CTNNA3: variants seen among roughly 807,000 people sequenced by gnomAD.
CTNNA3 encodes catenin alpha-3.
CTNNA3 carries 76 observed loss-of-function variants against 95.7 expected under a neutral mutation model. The observed-to-expected ratio is 0.79, with a 90% CI of 0.66 to 0.96. CTNNA3 has a LOEUF of 0.96. Among genes scored for constraint, CTNNA3 ranks in the 40% least tolerant of loss-of-function variants. The pLI is 0.00. For missense variants in CTNNA3, 1,191 were observed against 1,089.8 expected (o/e 1.09, Z -1.31); for synonymous variants, 431 against 374.4 (o/e 1.15, Z -1.74).
At chr10:67,402,212 G>A (rs114211883) in intron 5 of CTNNA3, among the ~76,000 whole-genome samples, 1,905 of 152,292 alleles carry the variant, frequency 0.013, 40 homozygotes, top group African/African-American at 0.042. Flanking sequence ...AATGATTCAA[G>A]GGCTGAAAGG....
chr10:67,454,194 T>C (rs1271425927), intron 5 of CTNNA3, among the ~76,000 whole-genome samples: 2 of 152,184 alleles, frequency 1.3e-5, no homozygotes, highest in Admixed American at 6.6e-5. Context: ...TAAGGTACAT[T>C]ACTAATACAA....
intron 15 of CTNNA3, among the ~76,000 whole-genome samples, chr10:66,059,009 C>T (rs565925099): frequency 1.5e-4 from 23 of 152,242 alleles, no homozygotes; most frequent in Non-Finnish European, 2.4e-4. Context: ...CCTGAATAAC[C>T]TTGTGATTGA....
chr10:66,768,126 A>T (rs1220132889), intron 8 of CTNNA3, among the ~76,000 whole-genome samples: 1 of 152,242 alleles, frequency 6.6e-6, no homozygotes, highest in Non-Finnish European at 1.5e-5. Context: ...GATACTGAAG[A>T]GAAAAGTAGA....
intron 16 of CTNNA3, among the ~76,000 whole-genome samples, chr10:65,987,216 G>T (rs893635412): frequency 6.6e-6 from 1 of 151,860 alleles, no homozygotes; most frequent in Non-Finnish European, 1.5e-5. Flanking sequence ...AACTAAAAAG[G>T]TTTTGCACAG....
chr10:66,208,561 C>A (rs942995803), intron 13 of CTNNA3, among the ~76,000 whole-genome samples: 2 of 151,846 alleles, frequency 1.3e-5, no homozygotes, highest in Non-Finnish European at 2.9e-5. Context: ...AAAAATAAAC[C>A]TTTCCAAAAT....
chr10:67,062,186 C>A (rs530950662), intron 7 of CTNNA3, among the ~76,000 whole-genome samples: 2 of 115,798 alleles, frequency 1.7e-5, no homozygotes, highest in South Asian at 5.1e-4. Context: ...TAGATAAGAA[C>A]GTTAAAACCC....
intron 5 of CTNNA3, among the ~76,000 whole-genome samples, chr10:67,289,741 A>T (rs552832785): frequency 3.3e-5 from 5 of 151,482 alleles, no homozygotes; most frequent in Non-Finnish European, 7.4e-5. Context: ...CATGGATCCA[A>T]CAAAGGAAGG....
At chr10:67,752,461 G>A (rs1285001371) in intron 1 of CTNNA3, among the ~76,000 whole-genome samples, 1 of 152,098 alleles carries the variant, frequency 6.6e-6, no homozygotes, top group Non-Finnish European at 1.5e-5. Flanking sequence ...ATTCAACATA[G>A]TATGGAAGTT....
intron 9 of CTNNA3, among the ~76,000 whole-genome samples, chr10:66,651,328 G>A (rs560909493): frequency 1.3e-5 from 2 of 152,280 alleles, no homozygotes; most frequent in African/African-American, 4.8e-5. Flanking sequence ...CTGATTGGGT[G>A]CATATACAAT....
At chr10:67,611,337 G>A (rs377744024) in intron 2 of CTNNA3, among the ~76,000 whole-genome samples, 389 of 150,218 alleles carry the variant, frequency 2.6e-3, no homozygotes, top group Non-Finnish European at 3.9e-3. Context: ...TTTTTGAGAC[G>A]GAGTCTCACT....
chr10:67,222,670 G>A (rs1267370231), intron 5 of CTNNA3, among the ~76,000 whole-genome samples: 1 of 152,138 alleles, frequency 6.6e-6, no homozygotes, highest in Non-Finnish European at 1.5e-5. Context: ...GTTTAGAAAG[G>A]ATGCACAGCT....
intron 7 of CTNNA3, among the ~76,000 whole-genome samples, chr10:66,784,402 T>G (rs1411997700): frequency 6.6e-6 from 1 of 152,174 alleles, no homozygotes; most frequent in Non-Finnish European, 1.5e-5. Context: ...GTTATGAAAC[T>G]TGATTTGTGC....
chr10:67,092,204 TAG>T (rs1315691451), intron 7 of CTNNA3, among the ~76,000 whole-genome samples: 1 of 151,990 alleles, frequency 6.6e-6, no homozygotes, highest in East Asian at 1.9e-4. Context: ...TTCAACAACC[TAG>T]AGAGTTAGAA....
At chr10:67,570,392 C>T (rs1841941109) in intron 3 of CTNNA3, among the ~76,000 whole-genome samples, 1 of 151,974 alleles carries the variant, frequency 6.6e-6, no homozygotes, top group African/African-American at 2.4e-5. Flanking sequence ...TTTTAGTTCT[C>T]ATGTAAAGTT....
intron 8 of CTNNA3, among the ~76,000 whole-genome samples, chr10:66,774,564 G>T (rs1840218579): frequency 2.5e-5 from 1 of 39,442 alleles, no homozygotes; most frequent in Middle Eastern, 0.011. Context: ...ACTGGCTGGA[G>T]ATCTCTATTC....
At chr10:67,299,978 T>C (rs1223059777) in intron 5 of CTNNA3, among the ~76,000 whole-genome samples, 1 of 152,198 alleles carries the variant, frequency 6.6e-6, no homozygotes, top group African/African-American at 2.4e-5. Flanking sequence ...CAGTTAGCTA[T>C]TGCTTTAGAT....
At chr10:66,832,408 G>A (rs1436594832) in intron 7 of CTNNA3, among the ~76,000 whole-genome samples, 4 of 152,032 alleles carry the variant, frequency 2.6e-5, no homozygotes, top group Non-Finnish European at 4.4e-5. Context: ...TGAAAGTTAC[G>A]GGAAAATTTG....
intron 3 of CTNNA3, among the ~76,000 whole-genome samples, chr10:67,560,121 C>T (rs548648145): frequency 2.0e-5 from 3 of 152,172 alleles, no homozygotes; most frequent in Admixed American, 2.0e-4. Context: ...CATTCAGATT[C>T]AGGAAATACA....
chr10:67,197,658 T>C (rs563475458), intron 6 of CTNNA3, among the ~76,000 whole-genome samples: 135 of 152,238 alleles, frequency 8.9e-4, no homozygotes, highest in South Asian at 2.5e-3. Context: ...GTTTAAGGAT[T>C]GTGGGTATTC....
Sources: allele counts gnomAD v4.1 joint callset (sites outside exome capture counted in the v4.1 genomes callset), GRCh38; gene constraint gnomAD v4.1.1; transcripts MANE v1.5; gene names NCBI Gene and HGNC (gene_info 2026-07-23, HGNC 2026-07-21).